Variants in FDX1 observed in about 807,000 individuals in gnomAD.
FDX1 encodes adrenodoxin, mitochondrial.
A neutral mutation model predicts 14.9 loss-of-function variants in FDX1; 9 were observed. That is an observed-to-expected ratio of 0.60 (90% confidence interval 0.36 to 1.05). FDX1 has a LOEUF of 1.05. FDX1 is among the 50% of genes least tolerant of loss of function. The pLI is 0.01. For missense variants in FDX1, 204 were observed against 237.2 expected, an observed-to-expected ratio of 0.86 and a Z score of 0.92; for synonymous variants, 92 against 99.4, an observed-to-expected ratio of 0.93 and a Z score of 0.44.
chr11:110,456,977 T>C lies in FDX1; in HGVS notation c.370T>C (p.Tyr124His). 6.2e-7 allele frequency: 1 copy of C among 1,613,656 alleles called. No homozygotes were observed. Among genetic ancestry groups the C allele is most frequent in the Non-Finnish European group, 8.5e-7 (1 of 1,179,672 alleles). ...TCHLIFEDHI[Y>H]EKLDAITDEE... is the part of the protein sequence containing the mutation. Reference sequence around the variant, plus strand: ...TCACCTCATCTTTGAAGATCACATATATGAGAAGTTAGATGCAATCACTGA... The same window carrying C: ...TCACCTCATCTTTGAAGATCACATACATGAGAAGTTAGATGCAATCACTGA... Residue 124 changes from tyrosine (Y) to histidine (H), a missense_variant, in exon 3 of 4, where the codon TAT becomes CAT. Physicochemically the swap from Tyr to His is moderately conservative, Grantham distance 83. Transcript: ENST00000260270.
chr11:110,435,890 C>A lies in FDX1; in HGVS notation c.242C>A (p.Thr81Asn), dbSNP rs1319636593. 1.9e-6 allele frequency: 3 copies of A among 1,611,564 alleles called. No individual in the cohort carries two copies. The highest frequency in any genetic ancestry group is 3.3e-5 in the Admixed American group (2 of 59,912). ...FINRDGETLT[T>N]KGKVGDSLLD... ...AACCGTGATGGTGAAACATTAACAA[C>A]CAAAGGAAAAGTTGGTGATTCTCTG... Residue 81 changes from threonine to asparagine, a missense_variant, in exon 2 of 4, where the codon ACC (threonine) becomes AAC (asparagine). Coordinates refer to ENST00000260270, the MANE Select transcript of FDX1 (RefSeq NM_004109.5).
At chr11:110,440,810 T>G (rs542442186) in intron 2 of FDX1, among the ~76,000 whole-genome samples, 2 of 152,216 alleles carry the variant, frequency 1.3e-5, no homozygotes, top group Non-Finnish European at 2.9e-5. Flanking sequence ...ACTTAGAAAA[T>G]AGGATTTTAA....
chr11:110,452,618 TAAAA>T (rs575577554), intron 2 of FDX1, among the ~76,000 whole-genome samples: 1 of 140,730 alleles, frequency 7.1e-6, no homozygotes, highest in Non-Finnish European at 1.6e-5. Flanking sequence ...GAGGCAAAGT[TAAAA>T]AAAAAAAAAG....
intron 1 of FDX1, among the ~76,000 whole-genome samples, chr11:110,434,596 G>C (rs558204524): frequency 6.6e-6 from 1 of 151,950 alleles, no homozygotes; most frequent in African/African-American, 2.4e-5. Context: ...GCCTCCCAAA[G>C]TGTTGGAATT....
At chr11:110,452,625 A>T (rs1332356988) in intron 2 of FDX1, among the ~76,000 whole-genome samples, 3 of 152,256 alleles carry the variant, frequency 2.0e-5, no homozygotes, top group African/African-American at 4.8e-5. Context: ...AGTTAAAAAA[A>T]AAAAAAGATA....
chr11:110,452,726 C>G (rs1946494643), intron 2 of FDX1, among the ~76,000 whole-genome samples: 1 of 152,108 alleles, frequency 6.6e-6, no homozygotes, highest in Admixed American at 6.6e-5. Flanking sequence ...ATGGGACATT[C>G]AAACAGTGGA....
intron 2 of FDX1, among the ~76,000 whole-genome samples, chr11:110,439,651 G>A (rs1946393263): frequency 6.6e-6 from 1 of 152,202 alleles, no homozygotes; most frequent in South Asian, 2.1e-4. Flanking sequence ...TTTGTTGATA[G>A]TTTCTTTAAT....
intron 2 of FDX1, among the ~76,000 whole-genome samples, chr11:110,446,410 TC>T (rs1276861747): frequency 6.6e-6 from 1 of 152,206 alleles, no homozygotes; most frequent in African/African-American, 2.4e-5. Flanking sequence ...TCTCATCCGT[TC>T]TGTGACCTTA....
rs1946561354 is a variant in FDX1 at position 110,462,345 on chromosome 11, T to C, written c.441-9T>C. 1.9e-6 allele frequency: 3 copies of C among 1,546,388 alleles called. No homozygotes were observed. The highest frequency in any genetic ancestry group is 2.7e-6 in the Non-Finnish European group (3 of 1,119,334). On this transcript the variant is annotated splice_polypyrimidine_tract_variant and intron_variant, in intron 3 of 3. Transcript: ENST00000260270. ...ATACTAAACCATACCTTCCCCCTTT[T>C]CCATACAGATCACGGTTGGGCTGCC...
chr11:110,437,115 C>T (rs1946375214), intron 2 of FDX1, among the ~76,000 whole-genome samples: 1 of 152,174 alleles, frequency 6.6e-6, no homozygotes, highest in Non-Finnish European at 1.5e-5. Context: ...CCTGACTCCG[C>T]CTCCTGAGTA....
intron 2 of FDX1, among the ~76,000 whole-genome samples, chr11:110,456,285 C>A (rs1946520966): frequency 6.6e-6 from 1 of 152,072 alleles, no homozygotes; most frequent in Non-Finnish European, 1.5e-5. Flanking sequence ...TAAAATTGCA[C>A]AAATTTTTAT....
At chr11:110,449,905 G>A (rs1946475504) in intron 2 of FDX1, among the ~76,000 whole-genome samples, 1 of 152,216 alleles carries the variant, frequency 6.6e-6, no homozygotes, top group Non-Finnish European at 1.5e-5. Context: ...TGGGATTACA[G>A]GCATGAGCCA....
At chr11:110,460,530 C>G (rs1946550098) in intron 3 of FDX1, among the ~76,000 whole-genome samples, 1 of 152,222 alleles carries the variant, frequency 6.6e-6, no homozygotes, top group Non-Finnish European at 1.5e-5. Flanking sequence ...CTCCAAAGCC[C>G]ATTGTGGACA....
In FDX1 at chr11:110,435,820, GT is replaced by G. The variant is rs757253507; in HGVS notation, c.186-5del. On this transcript the variant is annotated splice_polypyrimidine_tract_variant and intron_variant, in intron 1 of 3. Coordinates refer to ENST00000260270, the MANE Select transcript of FDX1 (RefSeq NM_004109.5). Reference sequence around the variant, plus strand: ...AAATTACTAAAAATACTAAAGGACTGTTTTTTTTTCCAGCTCAGAAGATAAA... The same window carrying G: ...AAATTACTAAAAATACTAAAGGACTGTTTTTTTTCCAGCTCAGAAGATAAA... The G allele has an allele frequency of 4.3e-5, 66 of 1,542,340 alleles. No individual in the cohort carries two copies. The highest frequency in any genetic ancestry group is 4.8e-5 in the South Asian group (4 of 83,626).
chr11:110,447,677 C>T (rs1234261566), intron 2 of FDX1, among the ~76,000 whole-genome samples: 3 of 152,148 alleles, frequency 2.0e-5, no homozygotes, highest in South Asian at 2.1e-4. Context: ...TTTACCCTCT[C>T]CCTGAGACAC....
At chr11:110,430,421 C>A in intron 1 of FDX1, 116 bp downstream of exon 1, 1 of 674,360 alleles carries the variant, frequency 1.5e-6, no homozygotes, top group Non-Finnish European at 2.0e-6. Flanking sequence ...GGCCCACACC[C>A]CGGAGGCCTG....
At position 110,430,104 on chromosome 11, in the gene FDX1, G is replaced by T. The variant is rs1049669332; in HGVS notation, c.-17G>T. 3.3e-6 allele frequency: 4 copies of T among 1,229,440 alleles called. No individual in the cohort carries two copies. The highest frequency in any genetic ancestry group is 8.7e-5 in the Admixed American group (2 of 23,040). 76.2% of individuals were successfully genotyped at this position (1,229,440 alleles called of 1,614,324 possible). A position where few individuals can be genotyped will look rare whatever the true frequency, so the allele number is the denominator to read the frequency against. Reference sequence around the variant, plus strand: ...AGCGCGGCCTGCGTCGCTTCCGGCAGTTCCCGACCGCGGGCGATGGCTGCC... The same window carrying T: ...AGCGCGGCCTGCGTCGCTTCCGGCATTTCCCGACCGCGGGCGATGGCTGCC... On this transcript the variant is annotated 5_prime_UTR_variant, in exon 1 of 4. Transcript: ENST00000260270.
chr11:110,448,611 A>G (rs758228157), intron 2 of FDX1, among the ~76,000 whole-genome samples: 6 of 152,162 alleles, frequency 3.9e-5, no homozygotes, highest in African/African-American at 1.4e-4. Context: ...CACAGCTACA[A>G]CTTCTGAGGA....
At chr11:110,444,748 GTATATATA>G (rs538386755) in intron 2 of FDX1, among the ~76,000 whole-genome samples, 1,724 of 29,816 alleles carry the variant, frequency 0.058, 144 homozygotes, top group African/African-American at 0.18. Flanking sequence ...ATATATACAC[GTATATATA>G]TATATATATA....
Sources: gnomAD v4.1 joint callset for allele counts (sites outside exome capture counted in the v4.1 genomes callset) on GRCh38, gnomAD v4.1.1 for gene constraint, MANE v1.5 for transcripts, NCBI Gene and HGNC (gene_info 2026-07-23, HGNC 2026-07-21) for gene names.